The following SMG6 variants were observed in gnomAD, a reference collection of about 807,000 sequenced individuals.
SMG6 encodes the protein SMG6 nonsense mediated mRNA decay factor.
SMG6 carries 66 observed loss-of-function variants against 142.2 expected under a neutral mutation model. The ratio of observed to expected loss-of-function variants is 0.46; its 90% CI spans 0.38 to 0.57. The LOEUF is 0.57. Among genes scored for constraint, SMG6 ranks in the 20% least tolerant of loss-of-function variants. The pLI is 0.00. For missense variants in SMG6, 1,793 were observed against 1,832.0 expected, an observed-to-expected ratio of 0.98 and a Z score of 0.39; for synonymous variants, 779 against 702.4, an observed-to-expected ratio of 1.11 and a Z score of -1.72.
intron 10 of SMG6, among the ~76,000 whole-genome samples, chr17:2,210,996 C>T (rs929954395): frequency 3.3e-5 from 5 of 151,344 alleles, no homozygotes; most frequent in African/African-American, 7.3e-5. Context: ...AACAAACTGC[C>T]GGGGTACTTG....
chr17:2,300,064 T>C lies in SMG6; in HGVS notation c.689A>G (p.His230Arg), dbSNP rs2075243679. Residue 230 changes from histidine (H) to arginine (R), a missense_variant, in exon 2 of 19, where the codon CAC (histidine) becomes CGC (arginine). By Grantham distance (29) the His-to-Arg change is conservative. Around this residue, in one of 3 missense-constraint regions of SMG6, gnomAD observed 1,597 missense variants for 1,584.6 expected, o/e 1.01. Transcript: ENST00000263073. ...CGGCCTCCCGCGGGCTGGGTCGTCG[T>C]GGGTTTCCCTCACCCCCTCCCCTTT... ...MGKGEGVRET[H>R]DDPARGRPGS... 1 of 1,614,104 alleles carries C rather than the reference T, an allele frequency of 6.2e-7. No individual in the cohort carries two copies. The highest frequency in any genetic ancestry group is 8.5e-7 in the Non-Finnish European group (1 of 1,180,028).
At chr17:2,066,346 ATG>A (rs1246000100) in intron 16 of SMG6, among the ~76,000 whole-genome samples, 2 of 145,866 alleles carry the variant, frequency 1.4e-5, no homozygotes, top group Admixed American at 7.0e-5. Flanking sequence ...GTATGCGTGT[ATG>A]TGTGTACATG....
chr17:2,069,600 A>T (rs1233409228), intron 15 of SMG6, among the ~76,000 whole-genome samples: 2 of 152,202 alleles, frequency 1.3e-5, no homozygotes, highest in Admixed American at 1.3e-4. Flanking sequence ...TGTCTCAAAA[A>T]ACAAAAACAA....
chr17:2,275,008 A>C (rs2074617547), intron 8 of SMG6, among the ~76,000 whole-genome samples: 1 of 50,598 alleles, frequency 2.0e-5, no homozygotes, highest in Non-Finnish European at 3.6e-5. Context: ...AGCATGGGCA[A>C]AAAAAAAAAA....
At chr17:2,294,603 A>G (rs1036302638) in intron 4 of SMG6, among the ~76,000 whole-genome samples, 3 of 152,120 alleles carry the variant, frequency 2.0e-5, no homozygotes, top group African/African-American at 7.2e-5. Flanking sequence ...CTACACATAC[A>G]CCTTCACCTG....
At chr17:2,140,919 C>T (rs2070458823) in intron 13 of SMG6, among the ~76,000 whole-genome samples, 3 of 152,186 alleles carry the variant, frequency 2.0e-5, no homozygotes, top group Non-Finnish European at 4.4e-5. Context: ...GCCTGCTGGG[C>T]TCCACCCTCA....
At chr17:2,161,718 T>TAA (rs112428763) in intron 13 of SMG6, among the ~76,000 whole-genome samples, 1,612 of 142,572 alleles carry the variant, frequency 0.011, 36 homozygotes, top group African/African-American at 0.038. Context: ...AGGATTTGTC[T>TAA]AAAAAAAAAA....
chr17:2,130,312 A>T (rs2070076801), intron 13 of SMG6, among the ~76,000 whole-genome samples: 1 of 151,022 alleles, frequency 6.6e-6, no homozygotes, highest in Admixed American at 6.6e-5. Context: ...CATACCATTA[A>T]TAGTTAACTA....
chr17:2,280,649 T>C (rs1292948126), intron 8 of SMG6: 1 of 915,192 alleles, frequency 1.1e-6, no homozygotes, highest in African/African-American at 1.8e-5. Context: ...TTAAGGGTAA[T>C]AGTTACCCAA....
intron 10 of SMG6, among the ~76,000 whole-genome samples, chr17:2,203,534 G>A (rs1370586740): frequency 1.3e-5 from 2 of 152,206 alleles, no homozygotes; most frequent in Non-Finnish European, 2.9e-5. Flanking sequence ...AAGCATGGCA[G>A]GTCTTTAATT....
chr17:2,109,120 A>G (rs2069237471), intron 13 of SMG6, among the ~76,000 whole-genome samples: 1 of 152,126 alleles, frequency 6.6e-6, no homozygotes, highest in Admixed American at 6.6e-5. Flanking sequence ...TAGAACAGGA[A>G]GATGTATTTT....
At position 2,085,667 on chromosome 17, in the gene SMG6, C is replaced by T. The variant is rs1052496475; in HGVS notation, c.3534+58G>A. On this transcript the variant is annotated intron_variant, in intron 14 of 18. Transcript: ENST00000263073. The surrounding 1 kb of genome is among the most constrained non-coding windows in gnomAD (Gnocchi z 4.1). The stretch of plus-strand genomic sequence containing the variant: ...TAAGCAGGAGGAAAAGCTGAAGCCA[C>T]GAGCAGAATGGGGAGGGGGCCTTCC... The T allele has an allele frequency of 3.5e-5, 53 of 1,526,492 alleles. No homozygotes were observed. In the African/African-American group the frequency reaches 6.3e-4, roughly 18 times the overall value. The allele number at this position is 1,526,492 out of a possible 1,614,324, so 94.6% of individuals were successfully genotyped here.
In SMG6 at chr17:2,292,861, G is replaced by C. The variant is rs368092100; in HGVS notation, c.2258+10C>G. The C allele has an allele frequency of 2.5e-4, 399 of 1,610,010 alleles. No individual in the cohort carries two copies. The highest frequency in any genetic ancestry group is 3.1e-4 in the Non-Finnish European group (360 of 1,176,382). ...AGGGAAGAGAAATAACGAAGCAGAG[G>C]TAAAAGTACCTGCGTGCTTTCCCAT... On this transcript the variant is annotated intron_variant, in intron 5 of 18. Coordinates refer to ENST00000263073, the MANE Select transcript of SMG6 (RefSeq NM_017575.5).
In SMG6 at chr17:2,111,224, G is replaced by A. The variant is rs370297491; in HGVS notation, c.3358-25323C>T. 1.5e-3 allele frequency among the ~76,000 whole-genome samples: 233 copies of A among 152,268 alleles called. 5 individuals are homozygous for A. In the South Asian group the frequency reaches 0.047, roughly 31 times the overall value. ...ACTTAAAACATTTTTCTGAGACTGA[G>A]AATCAAATAAGCAGACAGTAGTGGG... On this transcript the variant is annotated intron_variant, in intron 13 of 18. Transcript: ENST00000263073.
intron 13 of SMG6, chr17:2,088,302 G>T: frequency 1.0e-6 from 1 of 985,364 alleles, no homozygotes; most frequent in Non-Finnish European, 1.2e-6. Context: ...TCCTGGAGAT[G>T]GGGATTTCCA....
At chr17:2,156,053 T>A (rs2070990276) in intron 13 of SMG6, among the ~76,000 whole-genome samples, 1 of 125,302 alleles carries the variant, frequency 8.0e-6, no homozygotes, top group Non-Finnish European at 1.6e-5. Context: ...TTTTTTTTTT[T>A]TTAAAATAAT....
In SMG6 at chr17:2,299,155, C is replaced by T. The variant is rs759166560; in HGVS notation, c.1598G>A (p.Gly533Asp). ...CCCTGGGTACACACCATTCGTAGGG[C>T]CCACTGGGTACTGTAGAGGGTTATA... ...TGYNPLQYPV[G>D]PTNGVYPGPY... The change falls in exon 2 of 19, where the codon GGC becomes GAC. Residue 533 changes from glycine (G) to aspartate (D), a missense_variant. Coordinates refer to ENST00000263073, the MANE Select transcript of SMG6 (RefSeq NM_017575.5). The surrounding 1 kb of genome is among the most constrained non-coding windows in gnomAD (Gnocchi z 4.3). The T allele has an allele frequency of 5.0e-6, 8 of 1,612,578 alleles. No homozygotes were observed. The highest frequency in any genetic ancestry group is 6.8e-6 in the Non-Finnish European group (8 of 1,179,010).
At chr17:2,289,955 T>C (rs1444435328) in intron 6 of SMG6, among the ~76,000 whole-genome samples, 1 of 147,904 alleles carries the variant, frequency 6.8e-6, no homozygotes, top group African/African-American at 2.5e-5. Context: ...TATATATATA[T>C]ATATATATAT....
intron 13 of SMG6, among the ~76,000 whole-genome samples, chr17:2,144,311 C>T (rs890355258): frequency 1.6e-4 from 24 of 152,172 alleles, no homozygotes; most frequent in African/African-American, 4.8e-4. Context: ...AGGTGATCTG[C>T]CCGCCTCGGC....
Sources: gnomAD v4.1 joint callset for allele counts (sites outside exome capture counted in the v4.1 genomes callset) on GRCh38, gnomAD v4.1.1 for gene constraint, gnomAD v4.1.1 regional missense constraint, Gnocchi (gnomAD v3.1) non-coding constraint, MANE v1.5 for transcripts, NCBI Gene and HGNC (gene_info 2026-07-23, HGNC 2026-07-21) for gene names.